The following GRB10 variants were observed in gnomAD, a reference collection of about 807,000 sequenced individuals.
GRB10 encodes the protein growth factor receptor bound protein 10, also known as growth factor receptor-bound protein 10.
GRB10 carries 20 observed loss-of-function variants against 80.9 expected under a neutral mutation model. The ratio of observed to expected loss-of-function variants is 0.25; its 90% CI spans 0.17 to 0.36. GRB10 has a LOEUF of 0.36. GRB10 is among the 10% of genes least tolerant of loss of function. The probability of loss-of-function intolerance (pLI) is 1.00; values close to 1 mark genes in which losing one functional copy is unlikely to be tolerated. For synonymous variants in GRB10, 291 were observed against 291.5 expected, an observed-to-expected ratio of 1.00 and a Z score of 0.02; for missense variants, 548 against 747.7, an observed-to-expected ratio of 0.73 and a Z score of 3.12.
chr7:50,736,242 C>T (rs1288811214), intron 3 of GRB10, among the ~76,000 whole-genome samples: 13 of 152,066 alleles, frequency 8.5e-5, no homozygotes, highest in African/African-American at 2.4e-4. Context: ...GCCGAGATTG[C>T]GCCACTGCAC....
At chr7:50,743,939 GA>G (rs1268229161) in intron 3 of GRB10, among the ~76,000 whole-genome samples, 1 of 152,102 alleles carries the variant, frequency 6.6e-6, no homozygotes, top group African/African-American at 2.4e-5. Flanking sequence ...CCACAGGCAG[GA>G]GGTCCTCGAA....
intron 5 of GRB10, among the ~76,000 whole-genome samples, chr7:50,701,733 C>T (rs1173821453): frequency 1.3e-5 from 2 of 152,098 alleles, no homozygotes; most frequent in Non-Finnish European, 2.9e-5. Flanking sequence ...GGTTATCCTT[C>T]CCCCTGCATC....
chr7:50,636,872 C>T (rs1233886350), intron 7 of GRB10, among the ~76,000 whole-genome samples: 1 of 152,126 alleles, frequency 6.6e-6, no homozygotes, highest in Non-Finnish European at 1.5e-5. Context: ...GCACTGGAAG[C>T]CCTAACCAGA....
At chr7:50,758,272 C>T (rs757662634) in intron 2 of GRB10, among the ~76,000 whole-genome samples, 4 of 152,114 alleles carry the variant, frequency 2.6e-5, no homozygotes, top group African/African-American at 7.2e-5. Context: ...CACGCTGACC[C>T]GGACCACTGG....
chr7:50,766,366 A>G lies in GRB10; in HGVS notation c.-216-10310T>C, dbSNP rs149061290. Among the ~76,000 whole-genome samples the G allele has an allele frequency of 5.3e-3, 807 of 152,306 alleles. 9 individuals carry two copies. Among genetic ancestry groups the G allele is most frequent in the African/African-American group, 0.018 (749 of 41,560 alleles). On this transcript the variant is annotated intron_variant, in intron 2 of 18. Coordinates refer to ENST00000401949, the MANE Select transcript of GRB10 (RefSeq NM_001350814.2). ...ATATTAACTGCACAGGCCCTTTTCT[A>G]TACAGGCAGCTTCTGGAAATACTGA...
chr7:50,754,616 G>T (rs2074757075), intron 3 of GRB10, among the ~76,000 whole-genome samples: 1 of 152,168 alleles, frequency 6.6e-6, no homozygotes, highest in African/African-American at 2.4e-5. Context: ...ATTTAGAAAG[G>T]GATGTGTAAA....
chr7:50,755,168 AGGCTCC>A (rs2074871479), intron 3 of GRB10, among the ~76,000 whole-genome samples: 1 of 152,190 alleles, frequency 6.6e-6, no homozygotes, highest in African/African-American at 2.4e-5. Context: ...CTGCAGGCAA[AGGCTCC>A]GGCAGGTCTG....
rs141416785 is a variant in GRB10 at position 50,654,733 on chromosome 7, G to A, written c.504+14989C>T. Among the ~76,000 whole-genome samples, 8 of 152,028 alleles carry A rather than the reference G, an allele frequency of 5.3e-5. No homozygotes were observed. The East Asian group carries it at 1.2e-3, about 22-fold the overall frequency. On this transcript the variant is annotated intron_variant, in intron 7 of 18. Coordinates refer to ENST00000401949, the MANE Select transcript of GRB10 (RefSeq NM_001350814.2). ...CAAATATTAACATTTCACCCCATTC[G>A]CTTTATCAAATTCCCATTCTCTTTC...
intron 7 of GRB10, among the ~76,000 whole-genome samples, chr7:50,649,213 GAACA>G (rs2057673280): frequency 6.6e-6 from 1 of 152,180 alleles, no homozygotes; most frequent in Non-Finnish European, 1.5e-5. Context: ...GTAAAACAGA[GAACA>G]AACAAAATAA....
intron 2 of GRB10, among the ~76,000 whole-genome samples, chr7:50,767,696 A>G: frequency 6.6e-6 from 1 of 152,146 alleles, no homozygotes; most frequent in Non-Finnish European, 1.5e-5. Flanking sequence ...ACCCAAAGAC[A>G]GTTCTTACAT....
At chr7:50,628,357 G>T (rs377698977) in intron 7 of GRB10, among the ~76,000 whole-genome samples, 1 of 152,280 alleles carries the variant, frequency 6.6e-6, no homozygotes, top group East Asian at 1.9e-4. Flanking sequence ...TGTTTGGAAG[G>T]GGGTGCTTAC....
At chr7:50,686,876 T>C (rs1167495643) in intron 5 of GRB10, among the ~76,000 whole-genome samples, 1 of 152,200 alleles carries the variant, frequency 6.6e-6, no homozygotes, top group Non-Finnish European at 1.5e-5. Flanking sequence ...ACTGCCTCCT[T>C]ACGTTTTAAT....
intron 5 of GRB10, among the ~76,000 whole-genome samples, chr7:50,696,090 T>C (rs565895155): frequency 6.6e-6 from 1 of 152,370 alleles, no homozygotes; most frequent in East Asian, 1.9e-4. Flanking sequence ...GTAATGTTTA[T>C]CTGATCAGTC....
chr7:50,723,693 T>A (rs1471726781), intron 4 of GRB10, among the ~76,000 whole-genome samples: 2 of 152,234 alleles, frequency 1.3e-5, no homozygotes, highest in African/African-American at 4.8e-5. Context: ...TCTCATTTCA[T>A]AACAGTGCAG....
intron 3 of GRB10, among the ~76,000 whole-genome samples, 188 bp downstream of exon 3, chr7:50,755,699 G>A (rs759016512): frequency 2.6e-5 from 4 of 152,186 alleles, no homozygotes; most frequent in African/African-American, 9.7e-5. Context: ...AGGCAGAGCC[G>A]AGCCAAGGAG....
intron 11 of GRB10, among the ~76,000 whole-genome samples, chr7:50,615,540 C>G (rs1300140151): frequency 6.6e-6 from 1 of 152,226 alleles, no homozygotes; most frequent in Admixed American, 6.5e-5. Context: ...TTCCCAGATG[C>G]TCAACACCTG....
At chr7:50,768,571 A>G (rs1163959133) in intron 2 of GRB10, among the ~76,000 whole-genome samples, 3 of 152,180 alleles carry the variant, frequency 2.0e-5, no homozygotes, top group Non-Finnish European at 4.4e-5. Context: ...CAATCTTAGC[A>G]TTGTCACTTA....
At chr7:50,641,276 A>AAGC (rs377198528) in intron 7 of GRB10, among the ~76,000 whole-genome samples, 7 of 148,238 alleles carry the variant, frequency 4.7e-5, no homozygotes, top group African/African-American at 1.8e-4. Flanking sequence ...TCATCAAAAA[A>AAGC]GGTGGGGGGG....
intron 2 of GRB10, among the ~76,000 whole-genome samples, chr7:50,769,924 A>G (rs1299253341): frequency 6.6e-6 from 1 of 152,184 alleles, no homozygotes; most frequent in African/African-American, 2.4e-5. Context: ...ACAAACCTTC[A>G]GTCTTCCCCC....
Sources: allele counts gnomAD v4.1 joint callset (sites outside exome capture counted in the v4.1 genomes callset), GRCh38; gene constraint gnomAD v4.1.1; transcripts MANE v1.5; gene names NCBI Gene and HGNC (gene_info 2026-07-23, HGNC 2026-07-21).